The following CACNA1D variants were observed in gnomAD, a reference collection of about 807,000 sequenced individuals.
CACNA1D encodes the protein calcium voltage-gated channel subunit alpha1 D.
A neutral mutation model predicts 257.1 loss-of-function variants in CACNA1D; 55 were observed. The observed-to-expected ratio is 0.21, with a 90% CI of 0.17 to 0.27. The LOEUF (loss-of-function observed/expected upper bound fraction) is 0.27. Ranked by LOEUF, CACNA1D falls within the 10% of genes least tolerant of loss-of-function variation. The pLI, the probability that CACNA1D is intolerant of heterozygous loss-of-function variation, is 1.00. For missense variants in CACNA1D, 1,876 were observed against 2,784.0 expected (o/e 0.67, Z 7.34); for synonymous variants, 980 against 1,014.9 (o/e 0.97, Z 0.65).
chr3:53,500,432 CAAAA>C (rs34272886), intron 2 of CACNA1D, among the ~76,000 whole-genome samples: 5 of 112,904 alleles, frequency 4.4e-5, no homozygotes, highest in Admixed American at 9.3e-5. Context: ...GACCCCATCT[CAAAA>C]AAAAAAAAAA....
At chr3:53,752,549 G>A (rs2095234944) in intron 28 of CACNA1D, among the ~76,000 whole-genome samples, 1 of 152,206 alleles carries the variant, frequency 6.6e-6, no homozygotes, top group Non-Finnish European at 1.5e-5. Flanking sequence ...ACAGGCATAT[G>A]CCACCATGCC....
chr3:53,632,114 G>A (rs1471224860), intron 3 of CACNA1D, among the ~76,000 whole-genome samples: 2 of 152,188 alleles, frequency 1.3e-5, no homozygotes, highest in East Asian at 3.8e-4. Flanking sequence ...TAGAAAAATC[G>A]TCGATGGGAT....
intron 14 of CACNA1D, among the ~76,000 whole-genome samples, chr3:53,726,419 C>G (rs1559578540): frequency 6.7e-6 from 1 of 148,562 alleles, no homozygotes; most frequent in African/African-American, 2.5e-5. Context: ...GGGCGGAACA[C>G]TTGAGGTCAG....
At chr3:53,632,324 C>T (rs1195730733) in intron 3 of CACNA1D, among the ~76,000 whole-genome samples, 1 of 152,256 alleles carries the variant, frequency 6.6e-6, no homozygotes, top group African/African-American at 2.4e-5. Flanking sequence ...CCAACTTTCT[C>T]TGCAGCTTCT....
intron 8 of CACNA1D, among the ~76,000 whole-genome samples, chr3:53,677,857 G>A (rs1306832675): frequency 7.2e-5 from 11 of 152,184 alleles, no homozygotes; most frequent in Non-Finnish European, 1.3e-4. Flanking sequence ...TGTGAGATTT[G>A]GGGCAAGTTA....
chr3:53,550,935 C>G (rs772044093), intron 3 of CACNA1D, among the ~76,000 whole-genome samples: 3 of 152,154 alleles, frequency 2.0e-5, no homozygotes, highest in Non-Finnish European at 4.4e-5. Flanking sequence ...AATAAAATTA[C>G]AGTGATGATA....
At chr3:53,643,723 C>T (rs1329540196) in intron 3 of CACNA1D, among the ~76,000 whole-genome samples, 1 of 152,226 alleles carries the variant, frequency 6.6e-6, no homozygotes, top group Non-Finnish European at 1.5e-5. Flanking sequence ...ACCGTGGCAC[C>T]TGGGGCCCTT....
chr3:53,731,741 A>G (rs2094994906), intron 17 of CACNA1D, among the ~76,000 whole-genome samples: 1 of 152,238 alleles, frequency 6.6e-6, no homozygotes, highest in Admixed American at 6.5e-5. Context: ...ACATGGTATG[A>G]GTGAATGTGC....
At chr3:53,704,528 G>A (rs1410594571) in intron 9 of CACNA1D, among the ~76,000 whole-genome samples, 1 of 152,214 alleles carries the variant, frequency 6.6e-6, no homozygotes, top group Non-Finnish European at 1.5e-5. Context: ...GTGATCAGAT[G>A]TAAGAGTGTC....
intron 7 of CACNA1D, among the ~76,000 whole-genome samples, chr3:53,671,726 G>C (rs1018125350): frequency 2.0e-5 from 3 of 152,152 alleles, no homozygotes; most frequent in Admixed American, 6.5e-5. Context: ...AGCAACAGAT[G>C]TTAGGTAATT....
chr3:53,574,735 G>A (rs1417839454), intron 3 of CACNA1D, among the ~76,000 whole-genome samples: 9 of 150,338 alleles, frequency 6.0e-5, no homozygotes, highest in African/African-American at 1.7e-4. Context: ...GCTGTCCCAC[G>A]TGTTCTCACT....
At chr3:53,797,301 A>C (rs1435174721) in intron 40 of CACNA1D, among the ~76,000 whole-genome samples, 1 of 152,202 alleles carries the variant, frequency 6.6e-6, no homozygotes, top group Admixed American at 6.5e-5. Flanking sequence ...GTTTGGGAAC[A>C]TCTGTTTCCC....
intron 3 of CACNA1D, among the ~76,000 whole-genome samples, 190 bp downstream of exon 3, chr3:53,501,910 A>G (rs185006589): frequency 2.9e-3 from 443 of 152,322 alleles, no homozygotes; most frequent in Admixed American, 4.7e-3. Context: ...ATACTGACTG[A>G]AAGTATTTAA....
chr3:53,645,220 C>T (rs568116302), intron 3 of CACNA1D, among the ~76,000 whole-genome samples: 52 of 152,052 alleles, frequency 3.4e-4, no homozygotes, highest in African/African-American at 1.2e-3. Flanking sequence ...TGATATTAAC[C>T]CTTTATCAGA....
intron 32 of CACNA1D, among the ~76,000 whole-genome samples, chr3:53,771,927 C>T (rs1394178719): frequency 6.6e-6 from 1 of 152,220 alleles, no homozygotes; most frequent in Non-Finnish European, 1.5e-5. Flanking sequence ...CACAGGTCAA[C>T]AGCTGGCACA....
At chr3:53,761,517 C>T (rs13319223) in intron 29 of CACNA1D, among the ~76,000 whole-genome samples, 1,597 of 152,322 alleles carry the variant, frequency 0.01, 28 homozygotes, top group African/African-American at 0.037. Flanking sequence ...GCTGGACTTG[C>T]GAGGACTGGA....
rs559559974 is a variant in CACNA1D at position 53,738,700 on chromosome 3, A to G, written c.2752-1580A>G. Among the ~76,000 whole-genome samples, 5 of 152,204 alleles carry G rather than the reference A, an allele frequency of 3.3e-5. No homozygotes were observed. The South Asian group carries it at 1.0e-3, about 32-fold the overall frequency. On this transcript the variant is annotated intron_variant, in intron 20 of 47. Coordinates refer to ENST00000350061, the MANE Select transcript of CACNA1D (RefSeq NM_001128840.3). ...AATAGATGTACATATGTGTATGAGT[A>G]TTGCTTTTTAGATTCTGCAGTGTTT...
intron 45 of CACNA1D, chr3:53,807,787 G>C (rs771119840): frequency 6.6e-6 from 1 of 152,254 alleles, no homozygotes; most frequent in Non-Finnish European, 1.5e-5. Flanking sequence ...TGGAAGAGCT[G>C]TTAGCAGGAC....
At chr3:53,693,686 C>T (rs2094548972) in intron 8 of CACNA1D, among the ~76,000 whole-genome samples, 1 of 152,162 alleles carries the variant, frequency 6.6e-6, no homozygotes, top group Non-Finnish European at 1.5e-5. Context: ...TCCCCCTTCT[C>T]TTTGCCTTTA....
Sources: gnomAD v4.1 joint callset for allele counts (sites outside exome capture counted in the v4.1 genomes callset) on GRCh38, gnomAD v4.1.1 for gene constraint, MANE v1.5 for transcripts, NCBI Gene and HGNC (gene_info 2026-07-23, HGNC 2026-07-21) for gene names.